The following TMED3 variants were observed in gnomAD, a reference collection of about 807,000 sequenced individuals.
TMED3 encodes transmembrane p24 trafficking protein 3.
TMED3 carries 9 observed loss-of-function variants against 15.0 expected under a neutral mutation model. The ratio of observed to expected loss-of-function variants is 0.60; its 90% CI spans 0.36 to 1.04. TMED3 has a LOEUF of 1.04. TMED3 is among the 50% of genes least tolerant of loss of function. The pLI, the probability that TMED3 is intolerant of heterozygous loss-of-function variation, is 0.01. For synonymous variants in TMED3, 117 were observed against 121.4 expected, an observed-to-expected ratio of 0.96 and a Z score of 0.24; for missense variants, 267 against 278.9, an observed-to-expected ratio of 0.96 and a Z score of 0.30.
intron 2 of TMED3, among the ~76,000 whole-genome samples, chr15:79,346,996 T>G (rs8040944): frequency 6.6e-6 from 1 of 151,962 alleles, no homozygotes; most frequent in African/African-American, 2.4e-5. Flanking sequence ...ACTCCAAAAA[T>G]TTAAGGAGGA....
intron 2 of TMED3, among the ~76,000 whole-genome samples, chr15:79,377,321 T>G (rs550680870): frequency 3.5e-4 from 52 of 149,248 alleles, no homozygotes; most frequent in Non-Finnish European, 5.3e-4. Context: ...AGAGAGAATG[T>G]GGGGAGGGAT....
intron 2 of TMED3, among the ~76,000 whole-genome samples, chr15:79,363,435 A>G (rs1893168078): frequency 6.6e-6 from 1 of 150,454 alleles, no homozygotes; most frequent in Non-Finnish European, 1.5e-5. Context: ...ATGGCCAGTG[A>G]CTTTATATTT....
chr15:79,374,738 T>G (rs1228142539), intron 2 of TMED3, among the ~76,000 whole-genome samples: 2 of 152,206 alleles, frequency 1.3e-5, no homozygotes, highest in African/African-American at 2.4e-5. Context: ...GCATGGTTAA[T>G]TATAAAGGCC....
chr15:79,411,669 C>T (rs988812703), exon 3 of TMED3: 1 of 585,362 alleles, frequency 1.7e-6, no homozygotes, highest in African/African-American at 1.9e-5. Context: ...GAACAACCTG[C>T]TCTCACCACA....
chr15:79,380,135 G>A (rs899023328), intron 2 of TMED3, among the ~76,000 whole-genome samples: 2 of 152,004 alleles, frequency 1.3e-5, no homozygotes, highest in Non-Finnish European at 2.9e-5. Context: ...GCCGGATCAC[G>A]AGGTCAGGAG....
chr15:79,377,644 CTT>C lies in TMED3; in HGVS notation c.418-33736_418-33735del, dbSNP rs71150905. On this transcript the variant is annotated intron_variant, in intron 2 of 2. Coordinates refer to the TMED3 transcript ENST00000424155. ...AAAAATTGCATATGAACAAACCGTT[CTT>C]TTTTTTTTTTTTTTTTTTTGAGACG... Among the ~76,000 whole-genome samples the C allele has an allele frequency of 5.2e-3, 647 of 123,552 alleles. 1 individual carries two copies. The highest frequency in any genetic ancestry group is 0.015 in the African/African-American group (474 of 32,628). The allele number at this position is 123,552 out of a possible 152,430, so 81.1% of individuals were successfully genotyped here.
intron 2 of TMED3, among the ~76,000 whole-genome samples, chr15:79,363,228 C>G (rs951800209): frequency 1.3e-5 from 2 of 152,072 alleles, no homozygotes; most frequent in African/African-American, 4.8e-5. Flanking sequence ...AAAAACTGCA[C>G]ACAACAGAAA....
rs77625311 is a variant in TMED3, at chr15:79,313,672, T to G, written c.169-85T>G. On this transcript the variant is annotated intron_variant, in intron 1 of 2. Coordinates refer to ENST00000299705, the MANE Select transcript of TMED3 (RefSeq NM_007364.4). ...TTGAAGATGAAGTGACAGAAATGTTTGTAGAGTCTGATCACAGTGTCTGGT... is the reference window on the plus strand; with the variant it reads ...TTGAAGATGAAGTGACAGAAATGTTGGTAGAGTCTGATCACAGTGTCTGGT... 2.1e-3 allele frequency: 3,138 copies of G among 1,491,374 alleles called. 48 individuals carry two copies. The African/African-American group carries it at 0.037, about 18-fold the overall frequency. The allele number at this position is 1,491,374 out of a possible 1,614,324, so 92.4% of individuals were successfully genotyped here.
intron 2 of TMED3, among the ~76,000 whole-genome samples, chr15:79,336,835 A>G (rs1489442802): frequency 6.6e-6 from 1 of 152,244 alleles, no homozygotes; most frequent in African/African-American, 2.4e-5. Context: ...TGACTTATAA[A>G]ATAGAGGGAC....
downstream of TMED3, among the ~76,000 whole-genome samples, chr15:79,323,080 C>A (rs2058774983): frequency 6.6e-6 from 1 of 152,206 alleles, no homozygotes. Context: ...AATGCTGTTT[C>A]CTCTGATAAT....
chr15:79,315,994 G>A (rs1321075179), intron 2 of TMED3: 1 of 152,244 alleles, frequency 6.6e-6, no homozygotes, highest in East Asian at 1.9e-4. Context: ...TGAAAATGTA[G>A]AAGCTTGGCC....
intron 2 of TMED3, among the ~76,000 whole-genome samples, chr15:79,358,945 A>T (rs1012203108): frequency 6.6e-6 from 1 of 152,064 alleles, no homozygotes; most frequent in Non-Finnish European, 1.5e-5. Flanking sequence ...TAAGAAAGGG[A>T]GTGGGGATGG....
In TMED3 at chr15:79,313,989, T is replaced by G; in HGVS notation, c.401T>G (p.Val134Gly). 6.2e-7 allele frequency: 1 copy of G among 1,614,064 alleles called. No individual in the cohort carries two copies. The highest frequency in any genetic ancestry group is 8.5e-7 in the Non-Finnish European group (1 of 1,179,934). ...PPILPDMGNR[V>G]TALTQMESAC... The stretch of plus-strand genomic sequence containing the variant: ...ATTCTCCCAGACATGGGGAACAGGG[T>G]CACAGCTCTCACCCAGGTGAGTGAA... Residue 134 changes from valine to glycine, a missense_variant, in exon 2 of 3, where the codon GTC becomes GGC. Coordinates refer to ENST00000299705, the MANE Select transcript of TMED3 (RefSeq NM_007364.4).
At chr15:79,345,022 T>C (rs1435022846) in intron 2 of TMED3, among the ~76,000 whole-genome samples, 2 of 151,930 alleles carry the variant, frequency 1.3e-5, no homozygotes, top group African/African-American at 2.4e-5. Flanking sequence ...AGGGGGACAA[T>C]GAAAGACATA....
At chr15:79,349,513 TA>T (rs757541356) in intron 2 of TMED3, among the ~76,000 whole-genome samples, 3 of 152,032 alleles carry the variant, frequency 2.0e-5, no homozygotes, top group Non-Finnish European at 4.4e-5. Context: ...CATTATGCAG[TA>T]AAAAAACAAA....
chr15:79,330,009 C>T (rs567414206), intron 2 of TMED3, among the ~76,000 whole-genome samples: 8 of 152,138 alleles, frequency 5.3e-5, no homozygotes, highest in South Asian at 2.1e-4. Flanking sequence ...TAGAGATGCC[C>T]GGTGGTCATT....
intron 2 of TMED3, among the ~76,000 whole-genome samples, chr15:79,407,801 G>A (rs1893921057): frequency 6.6e-6 from 1 of 152,152 alleles, no homozygotes; most frequent in African/African-American, 2.4e-5. Flanking sequence ...GCTCACGCCT[G>A]CTTTGCCCGA....
chr15:79,323,483 T>C (rs1162100731), downstream of TMED3, among the ~76,000 whole-genome samples: 1 of 152,258 alleles, frequency 6.6e-6, no homozygotes, highest in Admixed American at 6.5e-5. Flanking sequence ...TAGAATTAAG[T>C]ACTGGGTATA....
intron 2 of TMED3, among the ~76,000 whole-genome samples, chr15:79,332,390 G>T (rs1712015746): frequency 6.6e-6 from 1 of 152,234 alleles, no homozygotes; most frequent in South Asian, 2.1e-4. Flanking sequence ...AGGCCATCTG[G>T]CCAATGCGAA....
Sources: allele counts gnomAD v4.1 joint callset (sites outside exome capture counted in the v4.1 genomes callset), GRCh38; gene constraint gnomAD v4.1.1; transcripts MANE v1.5; gene names NCBI Gene and HGNC (gene_info 2026-07-23, HGNC 2026-07-21).